CUL3: variants seen among roughly 807,000 people sequenced by gnomAD.
CUL3 encodes cullin-3.
Under a neutral mutation model 89.1 loss-of-function variants are expected in CUL3, and 19 were observed. That is an observed-to-expected ratio of 0.21 (90% CI 0.15 to 0.31). The LOEUF (loss-of-function observed/expected upper bound fraction) is 0.31. Among genes scored for constraint, CUL3 ranks in the 10% least tolerant of loss-of-function variants. The probability of loss-of-function intolerance (pLI) is 1.00; values close to 1 mark genes in which losing one functional copy is unlikely to be tolerated. For missense variants in CUL3, 469 were observed against 942.3 expected (o/e 0.50, Z 6.58); for synonymous variants, 351 against 308.4 (o/e 1.14, Z -1.45).
At chr2:224,524,197 C>T (rs1693380527) in intron 3 of CUL3, among the ~76,000 whole-genome samples, 1 of 151,998 alleles carries the variant, frequency 6.6e-6, no homozygotes, top group Non-Finnish European at 1.5e-5. Context: ...TGAGAGGAGC[C>T]CCATACCAGC....
intron 13 of CUL3, among the ~76,000 whole-genome samples, chr2:224,484,028 A>AAACAT (rs1691627110): frequency 6.6e-6 from 1 of 152,120 alleles, no homozygotes; most frequent in African/African-American, 2.4e-5. Context: ...GCTCTCTACC[A>AAACAT]AACATTTAAA....
At chr2:224,567,880 T>A (rs1456085058) in intron 1 of CUL3, among the ~76,000 whole-genome samples, 1 of 152,180 alleles carries the variant, frequency 6.6e-6, no homozygotes, top group African/African-American at 2.4e-5. Context: ...AACCTTTCTA[T>A]GGTAGCATAG....
chr2:224,546,224 A>C (rs777724781), intron 2 of CUL3, among the ~76,000 whole-genome samples: 1 of 152,160 alleles, frequency 6.6e-6, no homozygotes, highest in African/African-American at 2.4e-5. Flanking sequence ...TGACAGAATT[A>C]ATCAGGAAAA....
chr2:224,557,883 C>CAAA (rs748754000), intron 1 of CUL3, 27 bp from the exon 2 acceptor site: 9,045 of 111,956 alleles, frequency 0.081, 1,307 homozygotes, highest in African/African-American at 0.23. Flanking sequence ...AGAGAAGAGA[C>CAAA]AAAAAAAAAA....
intron 2 of CUL3, among the ~76,000 whole-genome samples, chr2:224,547,839 G>C (rs1209891057): frequency 6.6e-6 from 1 of 152,070 alleles, no homozygotes; most frequent in Non-Finnish European, 1.5e-5. Context: ...AAGGAAGTCT[G>C]TTTAATTGAC....
At chr2:224,582,517 G>A (rs1329798901) in intron 1 of CUL3, among the ~76,000 whole-genome samples, 1 of 152,164 alleles carries the variant, frequency 6.6e-6, no homozygotes, top group African/African-American at 2.4e-5. Context: ...TTATTAAACA[G>A]TAATGAAAAA....
chr2:224,522,672 C>CA, intron 3 of CUL3, among the ~76,000 whole-genome samples: 1 of 151,950 alleles, frequency 6.6e-6, no homozygotes, highest in Admixed American at 6.6e-5. Flanking sequence ...CTAAAAAATA[C>CA]AAAAAAATTA....
At chr2:224,520,192 A>C (rs2106235151) in intron 3 of CUL3, among the ~76,000 whole-genome samples, 1 of 152,366 alleles carries the variant, frequency 6.6e-6, no homozygotes, top group Admixed American at 6.5e-5. Flanking sequence ...AAGGGATGTG[A>C]GTTTCATCAC....
chr2:224,489,986 AG>A (rs1309369627), intron 13 of CUL3, among the ~76,000 whole-genome samples: 1 of 152,246 alleles, frequency 6.6e-6, no homozygotes, highest in African/African-American at 2.4e-5. Context: ...AGAATCTACA[AG>A]GAACTTAAGC....
Position 224,578,677 on chromosome 2 carries a change from A to G in CUL3, c.66+6267T>C, listed in dbSNP as rs569939705. On this transcript the variant is annotated intron_variant, in intron 1 of 15. Transcript: ENST00000264414. ...ATTTGTTCTTACTAGTAATACCTTT[A>G]CATTCTGTTGACCTTACAATGGGCT... Among the ~76,000 whole-genome samples the G allele has an allele frequency of 1.2e-4, 19 of 152,276 alleles. No homozygotes were observed. The East Asian group carries it at 3.5e-3, about 28-fold the overall frequency.
rs768179871 is a variant in CUL3, at chr2:224,497,861, C to G, written c.1611-12G>C. On this transcript the variant is annotated splice_polypyrimidine_tract_variant and intron_variant, in intron 11 of 15. Coordinates refer to ENST00000264414, the MANE Select transcript of CUL3 (RefSeq NM_003590.5). Reference sequence around the variant, plus strand: ...TGGCTAAGTAGAACCTTCAGTAAATCAAACCAGGTTTTAGAAAATCAAACA... The same window carrying G: ...TGGCTAAGTAGAACCTTCAGTAAATGAAACCAGGTTTTAGAAAATCAAACA... 3 of 1,603,730 alleles carry G rather than the reference C, an allele frequency of 1.9e-6. No homozygotes were observed. The highest frequency in any genetic ancestry group is 2.2e-5 in the South Asian group (2 of 90,686).
chr2:224,575,264 A>G (rs1186611553), intron 1 of CUL3, among the ~76,000 whole-genome samples: 2 of 152,222 alleles, frequency 1.3e-5, no homozygotes, highest in Non-Finnish European at 2.9e-5. Context: ...CAGGCAAGAA[A>G]GGGGAGAGGA....
At chr2:224,507,899 T>C (rs1692662578) in intron 6 of CUL3, among the ~76,000 whole-genome samples, 1 of 152,188 alleles carries the variant, frequency 6.6e-6, no homozygotes, top group Non-Finnish European at 1.5e-5. Flanking sequence ...TAAGAGTTTC[T>C]AGATCAGAGG....
At chr2:224,482,548 A>G (rs964421044) in intron 13 of CUL3, among the ~76,000 whole-genome samples, 1 of 152,078 alleles carries the variant, frequency 6.6e-6, no homozygotes, top group African/African-American at 2.4e-5. Context: ...AAAATTTACC[A>G]TCCAGACTGA....
At chr2:224,480,787 T>C (rs955552628) in intron 14 of CUL3, among the ~76,000 whole-genome samples, 2 of 152,164 alleles carry the variant, frequency 1.3e-5, no homozygotes, top group African/African-American at 4.8e-5. Flanking sequence ...ATAAAGTAGT[T>C]ATGTCTTGCA....
At chr2:224,519,874 C>T (rs2106234592) in intron 3 of CUL3, among the ~76,000 whole-genome samples, 1 of 151,646 alleles carries the variant, frequency 6.6e-6, no homozygotes, top group East Asian at 1.9e-4. Flanking sequence ...GTCCCAGCTC[C>T]GGTTACCTCT....
At chr2:224,510,299 GTTTTT>G (rs66793446) in intron 6 of CUL3, among the ~76,000 whole-genome samples, 1 of 115,260 alleles carries the variant, frequency 8.7e-6, no homozygotes, top group East Asian at 2.4e-4. Context: ...AGTTTTTTTT[GTTTTT>G]TTTTTGTTTT....
chr2:224,528,105 T>TTACA (rs1693544360), intron 3 of CUL3, among the ~76,000 whole-genome samples: 1 of 152,248 alleles, frequency 6.6e-6, no homozygotes, highest in Non-Finnish European at 1.5e-5. Flanking sequence ...AGTTTCTTAT[T>TTACA]GCTGCTGTAA....
At chr2:224,584,705 T>C (rs898034199) in intron 1 of CUL3, among the ~76,000 whole-genome samples, 6 of 148,860 alleles carry the variant, frequency 4.0e-5, no homozygotes, top group African/African-American at 1.2e-4. Flanking sequence ...AAGGAGCAGC[T>C]CCCGGACGGG....
Sources: allele counts gnomAD v4.1 joint callset (sites outside exome capture counted in the v4.1 genomes callset), GRCh38; gene constraint gnomAD v4.1.1; transcripts MANE v1.5; gene names NCBI Gene and HGNC (gene_info 2026-07-23, HGNC 2026-07-21).